The following ARHGEF12 variants were observed in gnomAD, a reference collection of about 807,000 sequenced individuals.
ARHGEF12 encodes KMT2A/ARHGEF12 fusion protein.
Under a neutral mutation model 211.2 loss-of-function variants are expected in ARHGEF12, and 66 were observed. The ratio of observed to expected loss-of-function variants is 0.31; its 90% CI spans 0.26 to 0.38. The LOEUF (loss-of-function observed/expected upper bound fraction) is 0.38, where lower values mean the gene tolerates loss of function less well. Among genes scored for constraint, ARHGEF12 ranks in the 10% least tolerant of loss-of-function variants. The pLI, the probability that ARHGEF12 is intolerant of heterozygous loss-of-function variation, is 1.00. For synonymous variants in ARHGEF12, 592 were observed against 638.4 expected (o/e 0.93, Z 1.09); for missense variants, 1,429 against 1,869.5 (o/e 0.76, Z 4.34).
chr11:120,381,732 C>A (rs1198020031), intron 1 of ARHGEF12, among the ~76,000 whole-genome samples: 3 of 152,146 alleles, frequency 2.0e-5, no homozygotes, highest in African/African-American at 7.2e-5. Flanking sequence ...TGCAACGGGT[C>A]ATGTATTCAC....
intron 5 of ARHGEF12, 132 bp from the exon 6 acceptor site, chr11:120,421,671 C>T (rs569191596): frequency 7.9e-5 from 59 of 743,108 alleles, no homozygotes; most frequent in Middle Eastern, 2.3e-4. Context: ...CTCTTGACCT[C>T]GTGATCCGCC....
rs1001982890 is a variant in ARHGEF12, at chr11:120,424,274, A to G, written c.349-84A>G. The G allele has an allele frequency of 5.6e-6, 5 of 892,436 alleles. No homozygotes were observed. The African/African-American group carries it at 8.3e-5, about 15-fold the overall frequency. 55.3% of individuals were successfully genotyped at this position (892,436 alleles called of 1,614,324 possible). A position where few individuals can be genotyped will look rare whatever the true frequency, so the allele number is the denominator to read the frequency against. ...GTGATTACTATATTATATTGGTTAT[A>G]TTATGTATGATAATTCTTGAAGTCA... On this transcript the variant is annotated intron_variant, in intron 6 of 40. Transcript: ENST00000397843.
At chr11:120,392,441 G>C (rs1353882330) in intron 1 of ARHGEF12, among the ~76,000 whole-genome samples, 1 of 152,094 alleles carries the variant, frequency 6.6e-6, no homozygotes, top group Non-Finnish European at 1.5e-5. Flanking sequence ...TTGAGAGCAA[G>C]GACCTTATCT....
intron 1 of ARHGEF12, among the ~76,000 whole-genome samples, chr11:120,350,290 C>T (rs561313147): frequency 3.3e-5 from 5 of 152,054 alleles, no homozygotes; most frequent in Admixed American, 2.0e-4. Flanking sequence ...CCGAGGTGGG[C>T]GGATCATGAG....
At chr11:120,461,947 G>T (rs970117523) in intron 27 of ARHGEF12, among the ~76,000 whole-genome samples, 9 of 137,512 alleles carry the variant, frequency 6.5e-5, no homozygotes, top group Non-Finnish European at 8.1e-5. Context: ...TTTGGCTTAA[G>T]GGAATATTGT....
At position 120,345,716 on chromosome 11, in the gene ARHGEF12, A is replaced by C. The variant is rs562707361; in HGVS notation, c.32+8441A>C. Among the ~76,000 whole-genome samples the C allele has an allele frequency of 4.6e-4, 69 of 151,516 alleles. 2 individuals carry two copies. In the East Asian group the frequency reaches 0.011, roughly 24 times the overall value. ...GACTCCGTCTCAAAAAAAAAAAAAA[A>C]AAAAACGAAATGGCGTATGTCATAC... is the stretch of plus-strand genomic sequence containing the variant. On this transcript the variant is annotated intron_variant, in intron 1 of 40. Transcript: ENST00000397843.
intron 39 of ARHGEF12, among the ~76,000 whole-genome samples, chr11:120,483,460 G>C (rs1947313159): frequency 6.7e-6 from 1 of 148,844 alleles, no homozygotes; most frequent in Non-Finnish European, 1.5e-5. Flanking sequence ...GTCTCGGTCT[G>C]TCACCCAGGC....
At chr11:120,425,774 AAAAGAG>A (rs1440181841) in intron 7 of ARHGEF12, among the ~76,000 whole-genome samples, 1 of 152,114 alleles carries the variant, frequency 6.6e-6, no homozygotes, top group East Asian at 1.9e-4. Context: ...AAAAAAAAAA[AAAAGAG>A]AGAGACTGCT....
chr11:120,458,250 TTG>T lies in ARHGEF12; in HGVS notation c.2380+18_2380+19del. ...GTGATTAATGGTGAGTGTAATCAATTTGTTGTTGTTGTTTACAAATACTGAGT... is the reference window on the plus strand; with the variant it reads ...GTGATTAATGGTGAGTGTAATCAATTTTGTTGTTGTTTACAAATACTGAGT... On this transcript the variant is annotated intron_variant, in intron 25 of 40. Transcript: ENST00000397843. The T allele has an allele frequency of 6.2e-7, 1 of 1,611,274 alleles. No individual in the cohort carries two copies. The highest frequency in any genetic ancestry group is 8.5e-7 in the Non-Finnish European group (1 of 1,178,666).
Position 120,487,353 on chromosome 11 carries a change from T to C in ARHGEF12, c.*2276T>C. The C allele has an allele frequency of 9.1e-6, 2 of 218,826 alleles. No homozygotes were observed. The highest frequency in any genetic ancestry group is 1.8e-5 in the Non-Finnish European group (2 of 109,128). 13.6% of individuals were successfully genotyped at this position (218,826 alleles called of 1,614,324 possible). On this transcript the variant is annotated 3_prime_UTR_variant, in exon 41 of 41. Coordinates refer to ENST00000397843, the MANE Select transcript of ARHGEF12 (RefSeq NM_015313.3). ...GCTCTAGTACTTCCAAATAAATTCATATCTAGATTTTCAAACAAAGCCCCA... is the reference window on the plus strand; with the variant it reads ...GCTCTAGTACTTCCAAATAAATTCACATCTAGATTTTCAAACAAAGCCCCA...
intron 1 of ARHGEF12, among the ~76,000 whole-genome samples, chr11:120,339,030 G>A (rs1375353336): frequency 7.1e-6 from 1 of 140,268 alleles, no homozygotes; most frequent in African/African-American, 2.7e-5. Context: ...TTTTGGCCAG[G>A]CACTGTGCAG....
chr11:120,345,986 T>C (rs1942708098), intron 1 of ARHGEF12, among the ~76,000 whole-genome samples: 1 of 152,146 alleles, frequency 6.6e-6, no homozygotes, highest in South Asian at 2.1e-4. Context: ...CAGATGTTGC[T>C]GCTCAGGTTA....
chr11:120,337,643 G>T (rs1020721180), intron 1 of ARHGEF12: 1 of 985,360 alleles, frequency 1.0e-6, no homozygotes, highest in Non-Finnish European at 1.2e-6. Flanking sequence ...TTATTTATCA[G>T]CTTTAGCCGT....
At chr11:120,447,837 A>T in intron 18 of ARHGEF12, 37 bp from the exon 19 acceptor site, 1 of 1,420,794 alleles carries the variant, frequency 7.0e-7, no homozygotes, top group Middle Eastern at 2.5e-4. Flanking sequence ...TTAAACTTCC[A>T]TATTTCATTT....
At chr11:120,347,562 A>C (rs1306468982) in intron 1 of ARHGEF12, among the ~76,000 whole-genome samples, 1 of 152,158 alleles carries the variant, frequency 6.6e-6, no homozygotes, top group East Asian at 1.9e-4. Flanking sequence ...TATCTTTAAG[A>C]TGATCTCTAA....
chr11:120,398,240 G>A (rs905360073), intron 1 of ARHGEF12, among the ~76,000 whole-genome samples: 8 of 152,142 alleles, frequency 5.3e-5, no homozygotes, highest in Admixed American at 2.0e-4. Context: ...AACAGCTAAC[G>A]GAGAAAACAT....
chr11:120,429,870 G>A, intron 10 of ARHGEF12, 39 bp downstream of exon 10: 1 of 1,571,460 alleles, frequency 6.4e-7, no homozygotes, highest in South Asian at 1.2e-5. Context: ...ACTTTTTGCA[G>A]GAGAATTTTC....
intron 17 of ARHGEF12, 35 bp from the exon 18 acceptor site, chr11:120,446,913 T>G (rs754644580): frequency 6.3e-7 from 1 of 1,597,892 alleles, no homozygotes. Flanking sequence ...AGTTTTTCTT[T>G]AGGCTACCTC....
At chr11:120,396,522 A>G (rs1944392964) in intron 1 of ARHGEF12, among the ~76,000 whole-genome samples, 1 of 152,208 alleles carries the variant, frequency 6.6e-6, no homozygotes, top group Non-Finnish European at 1.5e-5. Context: ...TGAAAAGGGT[A>G]CTTCACCCCT....
Sources: gnomAD v4.1 joint callset for allele counts (sites outside exome capture counted in the v4.1 genomes callset) on GRCh38, gnomAD v4.1.1 for gene constraint, MANE v1.5 for transcripts, NCBI Gene and HGNC (gene_info 2026-07-23, HGNC 2026-07-21) for gene names.